The following CDYL variants were observed in gnomAD, a reference collection of about 807,000 sequenced individuals.
CDYL encodes the protein chromodomain Y-like protein.
Under a neutral mutation model 47.3 loss-of-function variants are expected in CDYL, and 8 were observed. That is an observed-to-expected ratio of 0.17 (90% CI 0.10 to 0.31). The LOEUF (loss-of-function observed/expected upper bound fraction) is 0.31. CDYL is among the 10% of genes least tolerant of loss of function. The pLI is 1.00. For synonymous variants in CDYL, 266 were observed against 265.0 expected (o/e 1.00, Z -0.04); for missense variants, 471 against 701.4 (o/e 0.67, Z 3.71).
At chr6:4,756,924 A>G (rs112493739) in intron 3 of CDYL, among the ~76,000 whole-genome samples, 23 of 152,298 alleles carry the variant, frequency 1.5e-4, no homozygotes, top group African/African-American at 5.1e-4. Context: ...GCTTATTACA[A>G]GAGAATTTAG....
chr6:4,889,673 C>T (rs1457877394), intron 1 of CDYL, among the ~76,000 whole-genome samples: 2 of 152,098 alleles, frequency 1.3e-5, no homozygotes, highest in Non-Finnish European at 1.5e-5. Context: ...TATTGTGTCT[C>T]GCTACTTCCT....
At chr6:4,813,031 A>C (rs143990167) in intron 1 of CDYL, among the ~76,000 whole-genome samples, 122 of 152,314 alleles carry the variant, frequency 8.0e-4, no homozygotes, top group African/African-American at 2.7e-3. Context: ...TTGTATAGGA[A>C]AATCACTAAG....
chr6:4,873,909 C>T (rs1221002899), intron 1 of CDYL, among the ~76,000 whole-genome samples: 1 of 152,150 alleles, frequency 6.6e-6, no homozygotes, highest in Non-Finnish European at 1.5e-5. Flanking sequence ...TTCTGGTTCC[C>T]GCCTTCTGCC....
At chr6:4,894,925 A>ATGTATGTGTG (rs1262065591) in intron 2 of CDYL, among the ~76,000 whole-genome samples, 5 of 25,900 alleles carry the variant, frequency 1.9e-4, no homozygotes, top group African/African-American at 4.1e-4. Context: ...ATATACACAT[A>ATGTATGTGTG]TGTATGTGTG....
chr6:4,764,042 A>G (rs1758215472), intron 3 of CDYL, among the ~76,000 whole-genome samples: 1 of 152,216 alleles, frequency 6.6e-6, no homozygotes, highest in Non-Finnish European at 1.5e-5. Context: ...GAAAAATAGA[A>G]CATATTGAAT....
chr6:4,922,811 C>T (rs1757755472), intron 2 of CDYL, among the ~76,000 whole-genome samples: 2 of 152,198 alleles, frequency 1.3e-5, no homozygotes, highest in African/African-American at 4.8e-5. Flanking sequence ...GCAACATCAG[C>T]AATGGACACC....
intron 4 of CDYL, among the ~76,000 whole-genome samples, chr6:4,940,243 A>G (rs1758325203): frequency 1.3e-5 from 2 of 152,196 alleles, no homozygotes; most frequent in African/African-American, 2.4e-5. Context: ...AGGAAAACCA[A>G]CTTGTTTCTT....
intron 1 of CDYL, among the ~76,000 whole-genome samples, chr6:4,809,170 A>T (rs996567264): frequency 6.6e-6 from 1 of 151,626 alleles, no homozygotes; most frequent in Non-Finnish European, 1.5e-5. Context: ...TATCTTTCTT[A>T]AAAAAAAGAG....
chr6:4,898,023 A>G (rs1762337333), intron 2 of CDYL, among the ~76,000 whole-genome samples: 1 of 151,804 alleles, frequency 6.6e-6, no homozygotes, highest in Admixed American at 6.6e-5. Flanking sequence ...ACGCCACTGC[A>G]CTCCAGCCTG....
rs571244970 is a variant in CDYL, at chr6:4,751,090, C to T, written c.186+16246C>T. On this transcript the variant is annotated intron_variant, in intron 3 of 8. Transcript: ENST00000328908. The stretch of plus-strand genomic sequence containing the variant: ...CAGGATGGTCTCGATCTCCTGACCT[C>T]GTGATCCGCCCGCCTCGGCCTCCCA... 1.6e-4 allele frequency among the ~76,000 whole-genome samples: 25 copies of T among 151,892 alleles called. No individual in the cohort carries two copies. In the South Asian group the frequency reaches 4.4e-3, roughly 27 times the overall value.
chr6:4,721,752 A>AGT (rs1448058719), intron 2 of CDYL, among the ~76,000 whole-genome samples: 2 of 152,076 alleles, frequency 1.3e-5, no homozygotes, highest in Non-Finnish European at 2.9e-5. Flanking sequence ...TTCCCTGGAG[A>AGT]GTGAAAAGAT....
intron 1 of CDYL, among the ~76,000 whole-genome samples, chr6:4,862,746 T>C (rs944795977): frequency 1.7e-4 from 26 of 152,240 alleles, no homozygotes; most frequent in Admixed American, 1.7e-3. Context: ...AGAGAAACTC[T>C]ATGGCAGTAA....
chr6:4,801,005 T>C (rs1485208439), intron 1 of CDYL, among the ~76,000 whole-genome samples: 4 of 152,342 alleles, frequency 2.6e-5, no homozygotes, highest in African/African-American at 9.6e-5. Flanking sequence ...CTTTCCTCTC[T>C]CTAGAGTCCA....
rs75722222 is a variant in CDYL, at chr6:4,920,267, G to A, written c.692-15248G>A. 3.9e-4 allele frequency among the ~76,000 whole-genome samples: 60 copies of A among 152,288 alleles called. 1 individual carries two copies. The East Asian group carries it at 0.011, about 28-fold the overall frequency. ...ATGGTGGTGATGGTTGCACAATAGC[G>A]TGAATGTGCTTAATGCCATCAAACT... On this transcript the variant is annotated intron_variant, in intron 2 of 6. Coordinates refer to ENST00000397588, the MANE Select transcript of CDYL (RefSeq NM_004824.4).
chr6:4,945,807 C>T (rs1342205146), intron 5 of CDYL, among the ~76,000 whole-genome samples: 3 of 152,382 alleles, frequency 2.0e-5, no homozygotes, highest in East Asian at 3.9e-4. Context: ...CCACAGGACT[C>T]TCGGGTCCTG....
chr6:4,899,874 A>T (rs1419346981), intron 2 of CDYL, among the ~76,000 whole-genome samples: 1 of 151,918 alleles, frequency 6.6e-6, no homozygotes, highest in Non-Finnish European at 1.5e-5. Context: ...TGACCATCTC[A>T]CTCTGGATAG....
chr6:4,842,048 TATATTA>T (rs1330292359), intron 1 of CDYL, among the ~76,000 whole-genome samples: 2 of 144,578 alleles, frequency 1.4e-5, no homozygotes, highest in Admixed American at 7.0e-5. Flanking sequence ...TTATATATAT[TATATTA>T]ATATTCATAT....
At chr6:4,946,391 T>C (rs551242350) in intron 5 of CDYL, among the ~76,000 whole-genome samples, 1 of 152,206 alleles carries the variant, frequency 6.6e-6, no homozygotes. Context: ...CTGCCCCCAG[T>C]GGGGGCATTT....
At chr6:4,885,120 G>A (rs808618) in intron 1 of CDYL, among the ~76,000 whole-genome samples, 7,550 of 151,980 alleles carry the variant, frequency 0.05, 606 homozygotes, top group African/African-American at 0.17. Context: ...CAGCCTCCCA[G>A]GTAGCTGGGA....
Sources: allele counts gnomAD v4.1 joint callset (sites outside exome capture counted in the v4.1 genomes callset), GRCh38; gene constraint gnomAD v4.1.1; transcripts MANE v1.5; gene names NCBI Gene and HGNC (gene_info 2026-07-23, HGNC 2026-07-21).